SPMIP7: variants seen among roughly 807,000 people sequenced by gnomAD.
SPMIP7 encodes sperm microtubule inner protein 7.
chr7:50,117,236 G>C, the SPMIP7 span: 2 of 455,528 alleles, frequency 4.4e-6, no homozygotes, highest in African/African-American at 4.0e-5. Flanking sequence ...TAACATTCAG[G>C]CATTAGGAGT....
At chr7:50,154,687 A>C in the SPMIP7 span, among the ~76,000 whole-genome samples, 1 of 152,224 alleles carries the variant, frequency 6.6e-6, no homozygotes, top group Non-Finnish European at 1.5e-5. Context: ...ACAGGAATGC[A>C]GATATCTTTA....
chr7:50,151,687 A>G, the SPMIP7 span: 2 of 635,152 alleles, frequency 3.1e-6, no homozygotes, highest in Admixed American at 7.6e-5. Flanking sequence ...TGTGGCATCA[A>G]GTCCGAAACA....
At chr7:50,122,506 G>A in the SPMIP7 span, among the ~76,000 whole-genome samples, 1 of 151,108 alleles carries the variant, frequency 6.6e-6, no homozygotes, top group Admixed American at 6.6e-5. Flanking sequence ...ATAGGCATGG[G>A]CAAGGACTTC....
At chr7:50,098,748 C>T in the SPMIP7 span, among the ~76,000 whole-genome samples, 1 of 152,066 alleles carries the variant, frequency 6.6e-6, no homozygotes, top group East Asian at 1.9e-4. Flanking sequence ...GGAGGTCTTA[C>T]CTTATTTGCC....
chr7:50,099,772 G>C, the SPMIP7 span, among the ~76,000 whole-genome samples: 5 of 152,094 alleles, frequency 3.3e-5, no homozygotes, highest in East Asian at 9.6e-4. Flanking sequence ...GCTGTTTTTG[G>C]AGCAGCCCCA....
chr7:50,135,194 TC>T, the SPMIP7 span, among the ~76,000 whole-genome samples: 1 of 152,212 alleles, frequency 6.6e-6, no homozygotes. Context: ...ACTTTTGACC[TC>T]CCAACACTGG....
the SPMIP7 span, among the ~76,000 whole-genome samples, chr7:50,115,787 G>C: frequency 0.022 from 3,327 of 151,928 alleles, 50 homozygotes; most frequent in Middle Eastern, 0.058. Flanking sequence ...CTCATCTCAA[G>C]ATATGAAAAA....
chr7:50,134,249 C>A, the SPMIP7 span: 6 of 1,531,076 alleles, frequency 3.9e-6, no homozygotes, highest in Non-Finnish European at 5.3e-6. Flanking sequence ...TAACTCAGGT[C>A]AGCAGACTTC....
At chr7:50,109,085 C>G in the SPMIP7 span, among the ~76,000 whole-genome samples, 1 of 152,078 alleles carries the variant, frequency 6.6e-6, no homozygotes, top group African/African-American at 2.4e-5. Flanking sequence ...TAGTATTGCA[C>G]TATGTTTTTG....
Sources: gnomAD v4.1 joint callset for allele counts (sites outside exome capture counted in the v4.1 genomes callset) on GRCh38, gnomAD v4.1.1 for gene constraint, MANE v1.5 for transcripts, NCBI Gene and HGNC (gene_info 2026-07-23, HGNC 2026-07-21) for gene names.